PRUNE2: variants seen among roughly 807,000 people sequenced by gnomAD.
PRUNE2 encodes prune homolog 2 with BCH domain.
PRUNE2 carries 164 observed loss-of-function variants against 252.0 expected under a neutral mutation model. The observed-to-expected ratio is 0.65, with a 90% CI of 0.57 to 0.74. The LOEUF (loss-of-function observed/expected upper bound fraction) is 0.74, where lower values mean the gene tolerates loss of function less well. PRUNE2 is among the 30% of genes least tolerant of loss of function. The probability of loss-of-function intolerance (pLI) is 0.00; values close to 1 mark genes in which losing one functional copy is unlikely to be tolerated. For missense variants in PRUNE2, 3,495 were observed against 3,711.0 expected, an observed-to-expected ratio of 0.94 and a Z score of 1.51; for synonymous variants, 1,292 against 1,350.2, an observed-to-expected ratio of 0.96 and a Z score of 0.94.
intron 1 of PRUNE2, among the ~76,000 whole-genome samples, chr9:76,856,231 T>TA (rs1285016580): frequency 2.0e-5 from 3 of 152,192 alleles, no homozygotes; most frequent in African/African-American, 7.2e-5. Flanking sequence ...CTCTGCCCTG[T>TA]ATTAATGCCA....
At chr9:76,660,424 A>T (rs1274305034) in intron 9 of PRUNE2, among the ~76,000 whole-genome samples, 2 of 152,206 alleles carry the variant, frequency 1.3e-5, no homozygotes, top group Non-Finnish European at 2.9e-5. Flanking sequence ...TGTAGAAATG[A>T]ATCAAGAAAT....
intron 6 of PRUNE2, among the ~76,000 whole-genome samples, chr9:76,795,056 C>T (rs916339529): frequency 2.0e-5 from 3 of 152,154 alleles, no homozygotes; most frequent in African/African-American, 7.2e-5. Context: ...TCAGAGACAA[C>T]AGAGAAGCCT....
At chr9:76,789,608 C>A (rs903208350) in intron 6 of PRUNE2, among the ~76,000 whole-genome samples, 1 of 152,138 alleles carries the variant, frequency 6.6e-6, no homozygotes, top group African/African-American at 2.4e-5. Context: ...AGGAGTCGAC[C>A]AAGGAGCAAG....
At chr9:76,682,310 A>G (rs1036813500) in intron 9 of PRUNE2, among the ~76,000 whole-genome samples, 1 of 151,408 alleles carries the variant, frequency 6.6e-6, no homozygotes, top group Non-Finnish European at 1.5e-5. Flanking sequence ...ATGATAGAAA[A>G]TATAAAGGAA....
chr9:76,659,574 T>C (rs1159175515), intron 9 of PRUNE2, among the ~76,000 whole-genome samples: 3 of 152,218 alleles, frequency 2.0e-5, no homozygotes, highest in Non-Finnish European at 4.4e-5. Flanking sequence ...GTGTACAGGT[T>C]GAGTATCCCT....
intron 6 of PRUNE2, among the ~76,000 whole-genome samples, chr9:76,816,732 A>T (rs2057720715): frequency 6.6e-6 from 1 of 152,146 alleles, no homozygotes; most frequent in Admixed American, 6.5e-5. Flanking sequence ...TCAGTAAAAA[A>T]TCTCTACCAT....
intron 9 of PRUNE2, among the ~76,000 whole-genome samples, chr9:76,679,098 A>G (rs556646942): frequency 6.6e-6 from 1 of 152,310 alleles, no homozygotes; most frequent in Non-Finnish European, 1.5e-5. Context: ...CAGAATTTCT[A>G]TATGCCTCAG....
intron 6 of PRUNE2, among the ~76,000 whole-genome samples, chr9:76,788,713 T>A (rs2055268255): frequency 6.6e-6 from 1 of 152,190 alleles, no homozygotes; most frequent in African/African-American, 2.4e-5. Context: ...TGACTGGAGA[T>A]GGCAGAGATC....
At position 76,707,904 on chromosome 9, in the gene PRUNE2, G is replaced by A. The variant is rs762770821; in HGVS notation, c.4370C>T (p.Ser1457Phe). Residue 1457 changes from serine (S) to phenylalanine (F), a missense_variant, in exon 8 of 19, where the codon TCT becomes TTT. Transcript: ENST00000376718. ...TTTCTCAAGATCCTTTTCAGGTACA[G>A]ATACATATTTTGTGAAATTCATCCC... is the stretch of plus-strand genomic sequence containing the variant. Reference protein sequence around the residue: ...SDGMNFTKYVSVPEKDLEKTE... With the variant: ...SDGMNFTKYVFVPEKDLEKTE... The A allele has an allele frequency of 6.2e-7, 1 of 1,613,746 alleles. No homozygotes were observed. Among genetic ancestry groups the A allele is most frequent in the East Asian group, 2.2e-5 (1 of 44,888 alleles).
At chr9:76,679,637 G>A (rs947767791) in intron 9 of PRUNE2, among the ~76,000 whole-genome samples, 2 of 152,090 alleles carry the variant, frequency 1.3e-5, no homozygotes, top group Non-Finnish European at 2.9e-5. Flanking sequence ...CCCCAGCCTG[G>A]ATGAGACTCT....
At chr9:76,656,343 T>C (rs969455089) in intron 9 of PRUNE2, among the ~76,000 whole-genome samples, 6 of 152,218 alleles carry the variant, frequency 3.9e-5, no homozygotes, top group African/African-American at 1.4e-4. Context: ...TTCTTCTCTG[T>C]GAGTTTCACG....
chr9:76,655,294 T>G, intron 10 of PRUNE2, 129 bp downstream of exon 10: 1 of 753,768 alleles, frequency 1.3e-6, no homozygotes, highest in East Asian at 2.7e-5. Context: ...TATCACACAT[T>G]TCTTTTTTCC....
chr9:76,647,412 A>T (rs576187283), intron 11 of PRUNE2, among the ~76,000 whole-genome samples: 9 of 152,312 alleles, frequency 5.9e-5, no homozygotes, highest in African/African-American at 2.2e-4. Flanking sequence ...TAAATGTAAA[A>T]TTCAAAACTG....
chr9:76,895,199 T>G lies in PRUNE2; in HGVS notation c.36+10729A>C, dbSNP rs117761847. Among the ~76,000 whole-genome samples the G allele has an allele frequency of 1.0e-2, 1,517 of 152,252 alleles. 11 individuals are homozygous for G. The highest frequency in any genetic ancestry group is 0.015 in the Non-Finnish European group (989 of 67,996). On this transcript the variant is annotated intron_variant, in intron 1 of 18. Transcript: ENST00000376718. ...TGCAAGGCCATCAGCAGTCTTCTGG[T>G]CCCTCACGGGCTTTTCTCAGGGACC...
intron 9 of PRUNE2, among the ~76,000 whole-genome samples, chr9:76,696,718 G>A (rs1002582358): frequency 2.0e-5 from 3 of 152,208 alleles, no homozygotes; most frequent in South Asian, 2.1e-4. Flanking sequence ...GAGGCGCCAC[G>A]CCCAGCCTCC....
At chr9:76,667,726 G>A (rs1355645325) in intron 9 of PRUNE2, among the ~76,000 whole-genome samples, 1 of 152,214 alleles carries the variant, frequency 6.6e-6, no homozygotes, top group Non-Finnish European at 1.5e-5. Context: ...GCAGGACATG[G>A]GAGGGTTGCC....
chr9:76,652,413 T>G, intron 11 of PRUNE2, 70 bp downstream of exon 11: 17 of 1,067,052 alleles, frequency 1.6e-5, no homozygotes, highest in Non-Finnish European at 2.3e-5. Context: ...GGCACAAAAA[T>G]GAGAGGTCTG....
At chr9:76,694,758 TA>T (rs72471210) in intron 9 of PRUNE2, among the ~76,000 whole-genome samples, 74,669 of 151,728 alleles carry the variant, frequency 0.49, 19,807 homozygotes, top group Middle Eastern at 0.64. Context: ...CAAAGGCAGT[TA>T]AAAAAAATTT....
intron 1 of PRUNE2, among the ~76,000 whole-genome samples, chr9:76,882,593 C>T (rs909108775): frequency 1.3e-5 from 2 of 152,046 alleles, no homozygotes; most frequent in Non-Finnish European, 2.9e-5. Context: ...GGGAGCAAAG[C>T]GTCTCACATG....
Sources: gnomAD v4.1 joint callset for allele counts (sites outside exome capture counted in the v4.1 genomes callset) on GRCh38, gnomAD v4.1.1 for gene constraint, MANE v1.5 for transcripts, NCBI Gene and HGNC (gene_info 2026-07-23, HGNC 2026-07-21) for gene names.